ZPBP: variants seen among roughly 807,000 people sequenced by gnomAD.
ZPBP encodes zona pellucida-binding protein 1.
In ZPBP, 26 loss-of-function variants were observed where a neutral mutation model predicts 44.8. That is an observed-to-expected ratio of 0.58 (90% CI 0.43 to 0.81). The LOEUF (loss-of-function observed/expected upper bound fraction) is 0.81, where lower values mean the gene tolerates loss of function less well. ZPBP is among the 30% of genes least tolerant of loss of function. The probability of loss-of-function intolerance (pLI) is 0.00; values close to 1 mark genes in which losing one functional copy is unlikely to be tolerated. For missense variants in ZPBP, 409 were observed against 434.0 expected (o/e 0.94, Z 0.51); for synonymous variants, 174 against 153.2 (o/e 1.14, Z -1.00).
At chr7:49,897,881 C>G (rs1430102660) in intron 2 of ZPBP, among the ~76,000 whole-genome samples, 2 of 152,206 alleles carry the variant, frequency 1.3e-5, no homozygotes, top group Non-Finnish European at 2.9e-5. Context: ...ACAAGGTTCT[C>G]ACAGTGAATA....
chr7:49,892,155 C>T, intron 2 of ZPBP, among the ~76,000 whole-genome samples: 1 of 147,154 alleles, frequency 6.8e-6, no homozygotes, highest in Non-Finnish European at 1.5e-5. Flanking sequence ...CGCCATTCTC[C>T]TGCCTCAGCC....
intron 2 of ZPBP, 108 bp from the exon 3 acceptor site, chr7:50,082,007 A>T: frequency 4.7e-6 from 6 of 1,273,698 alleles, no homozygotes; most frequent in Non-Finnish European, 6.6e-6. Context: ...GAGTACTTTG[A>T]ATTATTGCTC....
chr7:49,982,164 ATATTATATATATATAATTTAT>A (rs1372792270), intron 7 of ZPBP, among the ~76,000 whole-genome samples: 2 of 26,676 alleles, frequency 7.5e-5, no homozygotes. Flanking sequence ...TATATAATAT[ATATTATATATATATAATTTAT>A]TATTATATAT....
chr7:49,925,052 T>A (rs1562779459), intron 1 of ZPBP, among the ~76,000 whole-genome samples: 1 of 152,240 alleles, frequency 6.6e-6, no homozygotes, highest in Non-Finnish European at 1.5e-5. Context: ...GCTGGCCTCT[T>A]CATCCACTCT....
chr7:49,991,237 G>T (rs1797556866), intron 6 of ZPBP, among the ~76,000 whole-genome samples: 1 of 151,864 alleles, frequency 6.6e-6, no homozygotes, highest in Admixed American at 6.6e-5. Context: ...TAAGAGATGG[G>T]GTGTACAGAC....
chr7:49,966,836 G>A (rs1238383027), intron 7 of ZPBP, among the ~76,000 whole-genome samples: 2 of 152,044 alleles, frequency 1.3e-5, no homozygotes, highest in Admixed American at 6.6e-5. Context: ...GGTTATGTGG[G>A]AAAGTTCTTT....
chr7:49,932,305 C>T (rs772095943), intron 1 of ZPBP, among the ~76,000 whole-genome samples: 83 of 152,356 alleles, frequency 5.4e-4, no homozygotes, highest in Non-Finnish European at 9.4e-4. Flanking sequence ...CCTGTGAAAG[C>T]AGCCAGAAGG....
chr7:49,883,890 A>G (rs1187461761), intron 2 of ZPBP, among the ~76,000 whole-genome samples: 2 of 152,244 alleles, frequency 1.3e-5, no homozygotes, highest in Admixed American at 6.5e-5. Context: ...ACAAAGATGT[A>G]AAAGTCATGC....
chr7:49,871,886 TG>T (rs1162522667), intron 2 of ZPBP, among the ~76,000 whole-genome samples: 17 of 145,318 alleles, frequency 1.2e-4, no homozygotes, highest in Admixed American at 2.1e-4. Context: ...TAATGTTTTT[TG>T]TATGTATATG....
intron 4 of ZPBP, among the ~76,000 whole-genome samples, chr7:50,039,848 C>T (rs1164860370): frequency 1.4e-5 from 2 of 139,798 alleles, no homozygotes; most frequent in African/African-American, 4.9e-5. Context: ...ATATTGATAC[C>T]ATAAAATACA....
At chr7:49,910,956 G>T (rs1385037346) in intron 1 of ZPBP, among the ~76,000 whole-genome samples, 3 of 152,194 alleles carry the variant, frequency 2.0e-5, no homozygotes, top group Admixed American at 2.0e-4. Context: ...TAATGTATGG[G>T]AAAGTTTGAA....
chr7:49,968,167 A>G (rs550713484), intron 7 of ZPBP, among the ~76,000 whole-genome samples: 1 of 152,180 alleles, frequency 6.6e-6, no homozygotes, highest in African/African-American at 2.4e-5. Flanking sequence ...AAGTAAAAGA[A>G]CTAAAAAAAG....
chr7:49,894,518 G>T (rs1037500670), intron 2 of ZPBP, among the ~76,000 whole-genome samples: 1 of 152,198 alleles, frequency 6.6e-6, no homozygotes, highest in African/African-American at 2.4e-5. Flanking sequence ...CACCAACTCA[G>T]CTGTGATACT....
chr7:50,069,136 C>A (rs1159263386), intron 3 of ZPBP, among the ~76,000 whole-genome samples: 2 of 152,192 alleles, frequency 1.3e-5, no homozygotes, highest in East Asian at 3.8e-4. Context: ...TTCTCCTTCT[C>A]ATGTGAGATT....
chr7:49,866,641 G>T (rs1347644829), intron 2 of ZPBP, among the ~76,000 whole-genome samples: 3 of 152,172 alleles, frequency 2.0e-5, no homozygotes, highest in African/African-American at 4.8e-5. Context: ...ACAAAAGATG[G>T]TCAGTTTTGA....
intron 1 of ZPBP, among the ~76,000 whole-genome samples, chr7:50,091,695 C>T (rs936814899): frequency 6.6e-5 from 10 of 152,154 alleles, no homozygotes; most frequent in African/African-American, 2.4e-4. Context: ...ATACCTTGCA[C>T]ATTGTAAATA....
intron 2 of ZPBP, among the ~76,000 whole-genome samples, chr7:49,872,290 A>G (rs995773422): frequency 6.6e-6 from 1 of 152,090 alleles, no homozygotes; most frequent in Non-Finnish European, 1.5e-5. Context: ...TTTTGAGAAA[A>G]AAGTTAAAAC....
At chr7:49,858,751 G>C (rs1274653205) in intron 2 of ZPBP, among the ~76,000 whole-genome samples, 1 of 152,060 alleles carries the variant, frequency 6.6e-6, no homozygotes, top group African/African-American at 2.4e-5. Context: ...CACAATGCAA[G>C]ATTATGCATT....
intron 4 of ZPBP, among the ~76,000 whole-genome samples, chr7:50,038,547 A>G (rs1424759538): frequency 6.6e-6 from 1 of 152,192 alleles, no homozygotes; most frequent in Non-Finnish European, 1.5e-5. Context: ...TATGTTTAGG[A>G]AAAGAGACAG....
Sources: allele counts gnomAD v4.1 joint callset (sites outside exome capture counted in the v4.1 genomes callset), GRCh38; gene constraint gnomAD v4.1.1; transcripts MANE v1.5; gene names NCBI Gene and HGNC (gene_info 2026-07-23, HGNC 2026-07-21).